The following GAPVD1 variants were observed in gnomAD, a reference collection of about 807,000 sequenced individuals.
GAPVD1 encodes the protein GTPase-activating protein and VPS9 domain-containing protein 1.
In GAPVD1, 35 loss-of-function variants were observed where a neutral mutation model predicts 155.5. The observed-to-expected ratio is 0.23, with a 90% CI of 0.17 to 0.30. The LOEUF is 0.30. Among genes scored for constraint, GAPVD1 ranks in the 10% least tolerant of loss-of-function variants. The probability of loss-of-function intolerance (pLI) is 1.00; values close to 1 mark genes in which losing one functional copy is unlikely to be tolerated. For synonymous variants in GAPVD1, 636 were observed against 619.7 expected, an observed-to-expected ratio of 1.03 and a Z score of -0.39; for missense variants, 1,429 against 1,775.7, an observed-to-expected ratio of 0.80 and a Z score of 3.51.
chr9:125,295,658 C>T (rs1839732192), intron 3 of GAPVD1, 84 bp downstream of exon 3: 1 of 152,030 alleles, frequency 6.6e-6, no homozygotes, highest in African/African-American at 2.4e-5. Context: ...TCTTGAACTC[C>T]TGAGCTCAAG....
rs200441551 is a variant in GAPVD1, at chr9:125,332,100, G to A, written c.2308+40G>A. The A allele has an allele frequency of 1.4e-3, 2,186 of 1,582,150 alleles. 2 individuals are homozygous for A. Among genetic ancestry groups the A allele is most frequent in the Non-Finnish European group, 1.6e-3 (1,901 of 1,152,738 alleles). On this transcript the variant is annotated intron_variant, in intron 14 of 27. Transcript: ENST00000297933. ...TTTTAAGGAGTAGGGATTTGAAGGT[G>A]TTCACCCCCTACCCCCTCCTATTTA...
At chr9:125,266,912 C>T (rs1357505450) in intron 1 of GAPVD1, among the ~76,000 whole-genome samples, 1 of 151,958 alleles carries the variant, frequency 6.6e-6, no homozygotes, top group Non-Finnish European at 1.5e-5. Context: ...GGGCACGTGC[C>T]ACCACACCTG....
rs551043589 is a variant in GAPVD1 at position 125,324,385 on chromosome 9, G to T, written c.1858+462G>T. Among the ~76,000 whole-genome samples the T allele has an allele frequency of 3.9e-5, 6 of 152,028 alleles. No homozygotes were observed. The East Asian group carries it at 1.2e-3, about 30-fold the overall frequency. On this transcript the variant is annotated intron_variant, in intron 11 of 27. Coordinates refer to ENST00000297933, the MANE Select transcript of GAPVD1 (RefSeq NM_001282680.3). ...GCGGGTGGATCACCTGAGGTCGGGA[G>T]TTCAAGACCAGCCTGACCAACATGG... is the stretch of plus-strand genomic sequence containing the variant.
At chr9:125,283,124 A>G (rs1489147583) in intron 2 of GAPVD1, among the ~76,000 whole-genome samples, 2 of 150,506 alleles carry the variant, frequency 1.3e-5, no homozygotes, top group Non-Finnish European at 3.0e-5. Context: ...CAATGGCGTG[A>G]TCTTGGCTCA....
intron 2 of GAPVD1, among the ~76,000 whole-genome samples, chr9:125,283,795 A>G (rs1433728430): frequency 6.6e-6 from 1 of 152,216 alleles, no homozygotes; most frequent in African/African-American, 2.4e-5. Context: ...TTCCTACCTT[A>G]GAGACCTTCT....
chr9:125,271,590 G>T (rs1853443515), intron 2 of GAPVD1, among the ~76,000 whole-genome samples: 1 of 151,754 alleles, frequency 6.6e-6, no homozygotes, highest in Admixed American at 6.6e-5. Flanking sequence ...TTGCTCTCTT[G>T]CCCAGGCTGG....
At chr9:125,347,200 G>T (rs1180179661) in intron 20 of GAPVD1, among the ~76,000 whole-genome samples, 2 of 152,080 alleles carry the variant, frequency 1.3e-5, no homozygotes, top group Non-Finnish European at 2.9e-5. Flanking sequence ...GAGAGTTGGG[G>T]CATATTTTAA....
rs778837587 is a variant in GAPVD1, at chr9:125,332,591, A to T, written c.2390A>T (p.Asp797Val). ...TGCAGCTCTGATTTTGGGGGTAAAG[A>T]TTCTGTCACTAGTCCAGACATGGAT... ...SECSSDFGGK[D>V]SVTSPDMDEI... The change falls in exon 15 of 28, where the codon GAT becomes GTT. Residue 797 changes from aspartate (D) to valine (V), a missense_variant. Physicochemically the swap from Asp to Val is radical, Grantham distance 152. Transcript: ENST00000297933. 1 of 1,610,598 alleles carries T rather than the reference A, an allele frequency of 6.2e-7. No individual in the cohort carries two copies. The highest frequency in any genetic ancestry group is 1.1e-5 in the South Asian group (1 of 90,850).
intron 4 of GAPVD1, among the ~76,000 whole-genome samples, chr9:125,301,142 TC>T (rs1840789821): frequency 6.6e-6 from 1 of 151,886 alleles, no homozygotes; most frequent in Admixed American, 6.6e-5. Flanking sequence ...TGATCTTGAG[TC>T]ACTGCTGTCT....
chr9:125,293,862 A>AAATATATTT (rs1554757107), intron 2 of GAPVD1, among the ~76,000 whole-genome samples: 496 of 13,684 alleles, frequency 0.036, 36 homozygotes, highest in African/African-American at 0.23. Context: ...TTATATATAT[A>AAATATATTT]TATATATATA....
intron 25 of GAPVD1, 72 bp from the exon 26 acceptor site, chr9:125,359,348 A>C (rs150707049): frequency 0.017 from 14,977 of 863,886 alleles, 170 homozygotes; most frequent in Non-Finnish European, 0.023. Flanking sequence ...TTTTGTAAAA[A>C]TCAATGATGA....
At chr9:125,333,550 G>A (rs143135328) in intron 15 of GAPVD1, among the ~76,000 whole-genome samples, 2,223 of 146,090 alleles carry the variant, frequency 0.015, 41 homozygotes, top group African/African-American at 0.051. Context: ...GTGCAATGGC[G>A]CAATCTCGGC....
At chr9:125,352,458 C>T (rs1292252867) in intron 23 of GAPVD1, among the ~76,000 whole-genome samples, 3 of 152,248 alleles carry the variant, frequency 2.0e-5, no homozygotes, top group African/African-American at 7.2e-5. Flanking sequence ...GGGGCTTGCA[C>T]TCTCTGAAGC....
intron 2 of GAPVD1, among the ~76,000 whole-genome samples, chr9:125,280,396 C>CAAAAAAAAAAAA (rs750354567): frequency 1.0e-4 from 6 of 57,340 alleles, no homozygotes; most frequent in Admixed American, 2.5e-4. Context: ...AAGTCCATCT[C>CAAAAAAAAAAAA]AAAAAAAAAA....
chr9:125,349,585 A>G (rs549665687), intron 21 of GAPVD1, 66 bp downstream of exon 21: 64 of 1,388,102 alleles, frequency 4.6e-5, no homozygotes, highest in Non-Finnish European at 6.4e-5. Context: ...AGTCACGTCA[A>G]GTCAAGTGAT....
chr9:125,271,366 T>C (rs1834892373), intron 2 of GAPVD1, among the ~76,000 whole-genome samples: 1 of 152,104 alleles, frequency 6.6e-6, no homozygotes, highest in Non-Finnish European at 1.5e-5. Flanking sequence ...TGTGTTGTTA[T>C]TTATTTTCTG....
At chr9:125,361,770 C>T (rs757515344) in intron 27 of GAPVD1, among the ~76,000 whole-genome samples, 5 of 152,130 alleles carry the variant, frequency 3.3e-5, no homozygotes, top group Non-Finnish European at 7.4e-5. Context: ...ATTAAAGTTT[C>T]ATCATTTAAA....
At chr9:125,262,420 C>A (rs1052762279) in intron 1 of GAPVD1, among the ~76,000 whole-genome samples, 1 of 151,954 alleles carries the variant, frequency 6.6e-6, no homozygotes, top group African/African-American at 2.4e-5. Context: ...AACACAGACA[C>A]TCACTGTACT....
chr9:125,281,047 C>G (rs1261578808), intron 2 of GAPVD1, among the ~76,000 whole-genome samples: 1 of 152,036 alleles, frequency 6.6e-6, no homozygotes, highest in Non-Finnish European at 1.5e-5. Context: ...CATGAAGTTT[C>G]TGTGTTTCAT....
Sources: gnomAD v4.1 joint callset for allele counts (sites outside exome capture counted in the v4.1 genomes callset) on GRCh38, gnomAD v4.1.1 for gene constraint, MANE v1.5 for transcripts, NCBI Gene and HGNC (gene_info 2026-07-23, HGNC 2026-07-21) for gene names.